The following CADM2 variants were observed in gnomAD, a reference collection of about 807,000 sequenced individuals.
The protein encoded by CADM2 is cell adhesion molecule 2.
CADM2 carries 12 observed loss-of-function variants against 49.8 expected under a neutral mutation model. That is an observed-to-expected ratio of 0.24 (90% CI 0.15 to 0.39). CADM2 has a LOEUF of 0.39. Ranked by LOEUF, CADM2 falls within the 10% of genes least tolerant of loss-of-function variation. The probability of loss-of-function intolerance (pLI) is 1.00; values close to 1 mark genes in which losing one functional copy is unlikely to be tolerated. For missense variants in CADM2, 378 were observed against 492.3 expected (o/e 0.77, Z 2.20); for synonymous variants, 214 against 175.4 (o/e 1.22, Z -1.74).
intron 1 of CADM2, among the ~76,000 whole-genome samples, chr3:85,240,749 C>T (rs146201433): frequency 6.6e-6 from 1 of 151,666 alleles, no homozygotes; most frequent in East Asian, 1.9e-4. Flanking sequence ...TTTGCTAAGA[C>T]ACCTAAAGAT....
intron 1 of CADM2, among the ~76,000 whole-genome samples, chr3:85,110,199 G>A (rs2107566993): frequency 6.6e-6 from 1 of 151,926 alleles, no homozygotes; most frequent in South Asian, 2.1e-4. Flanking sequence ...GGGACTAATG[G>A]TCTAATTAAT....
chr3:85,820,972 A>G (rs1338991122), intron 3 of CADM2, among the ~76,000 whole-genome samples: 1 of 152,188 alleles, frequency 6.6e-6, no homozygotes, highest in African/African-American at 2.4e-5. Context: ...GCAGAATTCT[A>G]CTTCTGAAAA....
intron 1 of CADM2, among the ~76,000 whole-genome samples, chr3:85,159,806 T>C (rs1215208801): frequency 2.6e-5 from 4 of 152,198 alleles, no homozygotes; most frequent in Admixed American, 2.6e-4. Flanking sequence ...ATTCATACCA[T>C]TTACTGTTTG....
intron 1 of CADM2, among the ~76,000 whole-genome samples, chr3:85,652,765 T>C (rs1167723714): frequency 7.4e-6 from 1 of 134,942 alleles, no homozygotes; most frequent in East Asian, 2.1e-4. Flanking sequence ...AAATCTTTTT[T>C]TCTTTTCTTT....
At chr3:85,155,822 A>C (rs2040093187) in intron 1 of CADM2, among the ~76,000 whole-genome samples, 2 of 152,356 alleles carry the variant, frequency 1.3e-5, no homozygotes, top group Middle Eastern at 3.4e-3. Context: ...TAATTGAACA[A>C]CCTGCTCCTG....
At chr3:85,342,876 G>GA (rs1449433868) in intron 1 of CADM2, among the ~76,000 whole-genome samples, 2 of 152,056 alleles carry the variant, frequency 1.3e-5, no homozygotes, top group Non-Finnish European at 2.9e-5. Flanking sequence ...CTACTAAAAA[G>GA]AAAAAATCCA....
chr3:85,085,938 G>A lies in CADM2; in HGVS notation c.61+126270G>A, dbSNP rs887249029. Among the ~76,000 whole-genome samples the A allele has an allele frequency of 2.6e-5, 4 of 152,246 alleles. No homozygotes were observed. In the South Asian group the frequency reaches 8.3e-4, roughly 32 times the overall value. On this transcript the variant is annotated intron_variant, in intron 1 of 9. Coordinates refer to ENST00000383699, the MANE Select transcript of CADM2 (RefSeq NM_001167675.2). ...GGTAGGGCATCAGGGTGAGCACAGT[G>A]ATTGCAAACAAGAGTTAAAACTGCA...
intron 6 of CADM2, among the ~76,000 whole-genome samples, chr3:85,926,244 G>A (rs931467425): frequency 6.6e-6 from 1 of 152,074 alleles, no homozygotes; most frequent in Non-Finnish European, 1.5e-5. Flanking sequence ...TTGGGCAAGA[G>A]AATTCTGTTT....
At chr3:85,952,582 T>A (rs1435258773) in intron 7 of CADM2, among the ~76,000 whole-genome samples, 3 of 151,052 alleles carry the variant, frequency 2.0e-5, no homozygotes, top group African/African-American at 7.3e-5. Context: ...TCTCTTTTGT[T>A]TAATTGCTTT....
chr3:85,991,730 C>T (rs1728789776), intron 8 of CADM2, among the ~76,000 whole-genome samples: 1 of 152,016 alleles, frequency 6.6e-6, no homozygotes. Flanking sequence ...ATACGAGAAG[C>T]TATTACTATA....
chr3:85,416,377 T>C (rs1338105780), intron 1 of CADM2, among the ~76,000 whole-genome samples: 1 of 152,166 alleles, frequency 6.6e-6, no homozygotes, highest in Admixed American at 6.5e-5. Context: ...GTTAAAAGTT[T>C]CGATACTGTT....
At chr3:85,891,519 T>C (rs899517218) in intron 5 of CADM2, among the ~76,000 whole-genome samples, 3 of 152,062 alleles carry the variant, frequency 2.0e-5, no homozygotes, top group Admixed American at 6.6e-5. Context: ...AAATGGGTTT[T>C]GCAGTTATCA....
At chr3:85,662,989 T>C (rs544041599) in intron 1 of CADM2, among the ~76,000 whole-genome samples, 2 of 152,096 alleles carry the variant, frequency 1.3e-5, no homozygotes, top group South Asian at 4.1e-4. Flanking sequence ...ATCTTAGAAA[T>C]GGCACTAATA....
intron 2 of CADM2, among the ~76,000 whole-genome samples, chr3:85,778,543 C>G (rs368409932): frequency 1.3e-5 from 2 of 152,096 alleles, no homozygotes; most frequent in Non-Finnish European, 2.9e-5. Flanking sequence ...TGCACTCACT[C>G]CATCCTGCCA....
intron 1 of CADM2, among the ~76,000 whole-genome samples, chr3:85,582,307 G>GT (rs1485674687): frequency 1.3e-5 from 2 of 152,114 alleles, no homozygotes; most frequent in African/African-American, 4.8e-5. Flanking sequence ...AGCATGAAAA[G>GT]TAACAATAAG....
At chr3:85,161,380 T>A (rs183323243) in intron 1 of CADM2, among the ~76,000 whole-genome samples, 2 of 152,246 alleles carry the variant, frequency 1.3e-5, no homozygotes, top group Admixed American at 1.3e-4. Flanking sequence ...TGTTTCTGTA[T>A]GCCAGAGGTA....
At chr3:85,597,310 T>C (rs2063272824) in intron 1 of CADM2, among the ~76,000 whole-genome samples, 1 of 152,126 alleles carries the variant, frequency 6.6e-6, no homozygotes, top group African/African-American at 2.4e-5. Context: ...TAAGTCTTCT[T>C]AGCACTACAG....
chr3:85,005,182 G>T (rs1246565794), intron 1 of CADM2, among the ~76,000 whole-genome samples: 1 of 152,004 alleles, frequency 6.6e-6, no homozygotes, highest in Non-Finnish European at 1.5e-5. Context: ...TTTCCTTAAG[G>T]GGTCACTTCA....
chr3:85,844,824 TGAC>T (rs1485512519), intron 3 of CADM2, among the ~76,000 whole-genome samples: 2 of 152,042 alleles, frequency 1.3e-5, no homozygotes, highest in African/African-American at 4.8e-5. Context: ...TCTCTGGAGT[TGAC>T]TTTTCTTCTT....
Sources: allele counts gnomAD v4.1 joint callset (sites outside exome capture counted in the v4.1 genomes callset), GRCh38; gene constraint gnomAD v4.1.1; transcripts MANE v1.5; gene names NCBI Gene and HGNC (gene_info 2026-07-23, HGNC 2026-07-21).